Variants in NRG3 observed in about 807,000 individuals in gnomAD.
NRG3 encodes the protein neuregulin 3, also known as pro-neuregulin-3, membrane-bound isoform.
In NRG3, 31 loss-of-function variants were observed where a neutral mutation model predicts 66.9. The ratio of observed to expected loss-of-function variants is 0.46; its 90% CI spans 0.35 to 0.63. NRG3 has a LOEUF of 0.63. Among genes scored for constraint, NRG3 ranks in the 20% least tolerant of loss-of-function variants. The pLI, the probability that NRG3 is intolerant of heterozygous loss-of-function variation, is 0.00. For synonymous variants in NRG3, 393 were observed against 359.4 expected (o/e 1.09, Z -1.06); for missense variants, 910 against 878.9 (o/e 1.04, Z -0.45).
At chr10:82,488,655 C>G (rs1250801523) in intron 2 of NRG3, among the ~76,000 whole-genome samples, 4 of 152,048 alleles carry the variant, frequency 2.6e-5, no homozygotes, top group Non-Finnish European at 4.4e-5. Context: ...GGACTTGGCC[C>G]TCAAAGGGGA....
chr10:82,452,414 A>G (rs778869006), intron 2 of NRG3, among the ~76,000 whole-genome samples: 9 of 152,178 alleles, frequency 5.9e-5, no homozygotes, highest in Non-Finnish European at 1.2e-4. Flanking sequence ...TATAGAACAC[A>G]ATTTATTTCA....
At chr10:82,402,578 C>A (rs989677727) in intron 2 of NRG3, among the ~76,000 whole-genome samples, 1 of 152,214 alleles carries the variant, frequency 6.6e-6, no homozygotes, top group Admixed American at 6.5e-5. Flanking sequence ...TTTTTTTACT[C>A]ATTTATTTCC....
chr10:81,876,943 C>T (rs1841721074), intron 1 of NRG3, among the ~76,000 whole-genome samples: 1 of 152,032 alleles, frequency 6.6e-6, no homozygotes, highest in East Asian at 1.9e-4. Context: ...TTTTTCAGCC[C>T]TGCCAAGCCT....
At chr10:82,461,185 C>CA (rs2091494363) in intron 2 of NRG3, among the ~76,000 whole-genome samples, 1 of 152,052 alleles carries the variant, frequency 6.6e-6, no homozygotes, top group Non-Finnish European at 1.5e-5. Flanking sequence ...TCAACACCAT[C>CA]ACCACCACAA....
At chr10:82,161,247 G>T (rs76722292) in intron 1 of NRG3, among the ~76,000 whole-genome samples, 2 of 152,202 alleles carry the variant, frequency 1.3e-5, no homozygotes, top group Middle Eastern at 3.4e-3. Context: ...AGTACATGAA[G>T]TTATGGGACT....
At chr10:81,944,058 G>A (rs891866924) in intron 1 of NRG3, among the ~76,000 whole-genome samples, 4 of 152,162 alleles carry the variant, frequency 2.6e-5, no homozygotes, top group African/African-American at 4.8e-5. Flanking sequence ...TTCTACCCCC[G>A]TTTAACAGAG....
At chr10:82,405,350 G>A (rs1480459019) in intron 2 of NRG3, among the ~76,000 whole-genome samples, 3 of 151,958 alleles carry the variant, frequency 2.0e-5, no homozygotes, top group African/African-American at 4.8e-5. Context: ...CATGGTGGCT[G>A]GAACAAAGTG....
At chr10:82,675,434 A>G (rs954776514) in intron 2 of NRG3, among the ~76,000 whole-genome samples, 13 of 152,318 alleles carry the variant, frequency 8.5e-5, no homozygotes, top group Admixed American at 2.6e-4. Flanking sequence ...GCCAGGTGTC[A>G]GACATGCAAA....
At chr10:82,897,260 G>A (rs867113687) in intron 4 of NRG3, among the ~76,000 whole-genome samples, 4 of 152,114 alleles carry the variant, frequency 2.6e-5, no homozygotes, top group Admixed American at 6.5e-5. Context: ...AAAAATAGAC[G>A]TTCCTAAACC....
At position 82,106,646 on chromosome 10, in the gene NRG3, C is replaced by T. The variant is rs150388093; in HGVS notation, c.823+230483C>T. 3.4e-3 allele frequency among the ~76,000 whole-genome samples: 519 copies of T among 152,064 alleles called. 4 individuals carry two copies. Among genetic ancestry groups the T allele is most frequent in the African/African-American group, 0.011 (459 of 41,478 alleles). On this transcript the variant is annotated intron_variant, in intron 1 of 8. Coordinates refer to ENST00000372141, the MANE Select transcript of NRG3 (RefSeq NM_001010848.4). ...TCAGCCTCCCAAGTAGCTGGGACTG[C>T]AGGCGCGCACCACCATGCCCAGCTA...
intron 1 of NRG3, chr10:82,232,843 G>T (rs568913754): frequency 1.4e-6 from 1 of 717,146 alleles, no homozygotes; most frequent in Non-Finnish European, 2.6e-6. Context: ...CATGGCCTTT[G>T]TTGGGGTTTC....
At chr10:82,338,279 T>G (rs1021032078) in intron 1 of NRG3, among the ~76,000 whole-genome samples, 19 of 151,622 alleles carry the variant, frequency 1.3e-4, no homozygotes, top group African/African-American at 4.4e-4. Flanking sequence ...GTCTATGTAA[T>G]AGCACATGAG....
chr10:82,303,737 G>C (rs371169444), intron 1 of NRG3, among the ~76,000 whole-genome samples: 1 of 151,818 alleles, frequency 6.6e-6, no homozygotes, highest in Non-Finnish European at 1.5e-5. Context: ...GCGTGGTGGC[G>C]AGGGCCTGTA....
chr10:82,470,649 T>A (rs1937972), intron 2 of NRG3, among the ~76,000 whole-genome samples: 97,978 of 152,054 alleles, frequency 0.64, 33,436 homozygotes, highest in South Asian at 0.79. Context: ...TCAGCCAGGT[T>A]AAACAGCAAT....
intron 2 of NRG3, among the ~76,000 whole-genome samples, chr10:82,474,964 G>A (rs952204093): frequency 4.6e-5 from 7 of 151,454 alleles, no homozygotes; most frequent in Non-Finnish European, 8.8e-5. Flanking sequence ...GCGGGATGGT[G>A]TATTTAATGT....
At chr10:82,721,516 G>A (rs1317959463) in intron 2 of NRG3, among the ~76,000 whole-genome samples, 6 of 151,804 alleles carry the variant, frequency 4.0e-5, no homozygotes, top group African/African-American at 7.3e-5. Context: ...TCCACCTCCC[G>A]GGTTCTGTCA....
intron 1 of NRG3, among the ~76,000 whole-genome samples, chr10:82,088,368 G>C (rs2065844981): frequency 6.6e-6 from 1 of 152,052 alleles, no homozygotes; most frequent in Non-Finnish European, 1.5e-5. Flanking sequence ...TACAATTGTA[G>C]TTTATTCATA....
intron 2 of NRG3, among the ~76,000 whole-genome samples, chr10:82,572,411 T>TCA (rs1490831491): frequency 1.1e-4 from 17 of 151,732 alleles, no homozygotes. Flanking sequence ...TAAAGTCGAC[T>TCA]CAATCATAGA....
At chr10:82,540,309 G>T (rs541799110) in intron 2 of NRG3, among the ~76,000 whole-genome samples, 8 of 150,596 alleles carry the variant, frequency 5.3e-5, no homozygotes, top group African/African-American at 1.7e-4. Flanking sequence ...TTCCAGTGTT[G>T]TGCTTTTCCA....
Sources: allele counts gnomAD v4.1 joint callset (sites outside exome capture counted in the v4.1 genomes callset), GRCh38; gene constraint gnomAD v4.1.1; transcripts MANE v1.5; gene names NCBI Gene and HGNC (gene_info 2026-07-23, HGNC 2026-07-21).